NUMB: variants seen among roughly 807,000 people sequenced by gnomAD.
The protein encoded by NUMB is protein numb homolog.
In NUMB, 29 loss-of-function variants were observed where a neutral mutation model predicts 59.7. The observed-to-expected ratio is 0.49, with a 90% CI of 0.36 to 0.66. NUMB has a LOEUF of 0.66. Ranked by LOEUF, NUMB falls within the 30% of genes least tolerant of loss-of-function variation. The pLI is 0.00. For missense variants in NUMB, 723 were observed against 822.0 expected, an observed-to-expected ratio of 0.88 and a Z score of 1.47; for synonymous variants, 288 against 288.2, an observed-to-expected ratio of 1.00 and a Z score of 0.01.
At chr14:73,291,309 G>C (rs2139828020) in intron 8 of NUMB, among the ~76,000 whole-genome samples, 1 of 152,196 alleles carries the variant, frequency 6.6e-6, no homozygotes, top group South Asian at 2.1e-4. Flanking sequence ...TCCAACTCCT[G>C]ACCTCAAGTG....
chr14:73,289,539 C>A (rs1889247510), intron 8 of NUMB, among the ~76,000 whole-genome samples: 1 of 151,500 alleles, frequency 6.6e-6, no homozygotes, highest in South Asian at 2.1e-4. Flanking sequence ...GCTGCTCCTA[C>A]ACACGGCTCT....
chr14:73,440,528 T>C (rs1370791383), intron 1 of NUMB, among the ~76,000 whole-genome samples: 2 of 151,832 alleles, frequency 1.3e-5, no homozygotes, highest in African/African-American at 2.4e-5. Flanking sequence ...TTCTTAGATA[T>C]TGTATCAAAA....
chr14:73,382,292 G>A lies in NUMB; in HGVS notation c.-100-15311C>T, dbSNP rs765352867. On this transcript the variant is annotated intron_variant, in intron 2 of 12. Coordinates refer to ENST00000555238, the MANE Select transcript of NUMB (RefSeq NM_001005743.2). ...CTCCTGAGCAGCTGGGATTACAGGC[G>A]CATGCCATCATGCCTGGCTAATTTT... is the stretch of plus-strand genomic sequence containing the variant. 9.3e-4 allele frequency among the ~76,000 whole-genome samples: 141 copies of A among 152,138 alleles called. 1 individual carries two copies. The highest frequency in any genetic ancestry group is 3.2e-3 in the Admixed American group (49 of 15,270).
At chr14:73,350,525 A>T (rs970405079) in intron 4 of NUMB, among the ~76,000 whole-genome samples, 1 of 151,084 alleles carries the variant, frequency 6.6e-6, no homozygotes, top group African/African-American at 2.4e-5. Context: ...GTTCATCTCC[A>T]ATTTCTATTA....
chr14:73,287,084 A>C, intron 9 of NUMB, 26 bp downstream of exon 9: 5 of 1,605,448 alleles, frequency 3.1e-6, no homozygotes, highest in Non-Finnish European at 4.3e-6. Flanking sequence ...GCATTCCATA[A>C]ATACACACTG....
At chr14:73,325,420 C>T (rs1282347091) in intron 4 of NUMB, among the ~76,000 whole-genome samples, 1 of 152,162 alleles carries the variant, frequency 6.6e-6, no homozygotes, top group Non-Finnish European at 1.5e-5. Flanking sequence ...CACCACAGCA[C>T]ACCAGCCTGG....
chr14:73,436,720 C>T (rs1234365003), intron 1 of NUMB, among the ~76,000 whole-genome samples: 4 of 151,960 alleles, frequency 2.6e-5, no homozygotes, highest in Non-Finnish European at 4.4e-5. Flanking sequence ...GTGGCTCACA[C>T]CTGTAATCCC....
intron 4 of NUMB, among the ~76,000 whole-genome samples, chr14:73,348,260 G>C (rs1450964914): frequency 1.3e-5 from 2 of 152,198 alleles, no homozygotes; most frequent in African/African-American, 2.4e-5. Flanking sequence ...ATAAGTGTAT[G>C]AGTTGGGGAG....
chr14:73,408,240 G>A (rs1390553128), intron 2 of NUMB, among the ~76,000 whole-genome samples: 1 of 55,346 alleles, frequency 1.8e-5, no homozygotes, highest in African/African-American at 1.5e-4. Flanking sequence ...AAAAAAAAAG[G>A]AAAGAAAAAA....
At chr14:73,380,401 G>GT (rs1895173231) in intron 2 of NUMB, among the ~76,000 whole-genome samples, 1 of 152,114 alleles carries the variant, frequency 6.6e-6, no homozygotes, top group Non-Finnish European at 1.5e-5. Context: ...CAAATCAAAA[G>GT]TTTGTTAGCC....
intron 4 of NUMB, among the ~76,000 whole-genome samples, chr14:73,339,255 A>G (rs1338731156): frequency 6.6e-6 from 1 of 152,196 alleles, no homozygotes; most frequent in South Asian, 2.1e-4. Flanking sequence ...TGTAGTGAAA[A>G]TGTAGGTGAT....
chr14:73,418,695 C>T (rs1156792479), intron 1 of NUMB, among the ~76,000 whole-genome samples: 3 of 151,848 alleles, frequency 2.0e-5, no homozygotes, highest in Non-Finnish European at 4.4e-5. Flanking sequence ...CGCTTGAACC[C>T]GGGAGGCGGA....
intron 1 of NUMB, among the ~76,000 whole-genome samples, chr14:73,434,329 A>G (rs947973916): frequency 1.3e-5 from 2 of 152,198 alleles, no homozygotes; most frequent in Admixed American, 1.3e-4. Flanking sequence ...CATAAAGATT[A>G]TAATAGTAGC....
At chr14:73,421,533 T>C (rs75967823) in intron 1 of NUMB, among the ~76,000 whole-genome samples, 3,767 of 152,148 alleles carry the variant, frequency 0.025, 151 homozygotes, top group African/African-American at 0.086. Context: ...GGTATAATCA[T>C]CCTAAAATTC....
At chr14:73,393,576 TG>T (rs1468179127) in intron 2 of NUMB, among the ~76,000 whole-genome samples, 12 of 152,194 alleles carry the variant, frequency 7.9e-5, no homozygotes, top group Non-Finnish European at 1.8e-4. Flanking sequence ...CACTGAAGGC[TG>T]GAAGGCTGGA....
rs138071236 is a variant in NUMB, at chr14:73,335,844, T to G, written c.127-12640A>C. On this transcript the variant is annotated intron_variant, in intron 4 of 12. Coordinates refer to ENST00000555238, the MANE Select transcript of NUMB (RefSeq NM_001005743.2). ...TACAGCATCTTAACACATACATACATAGCCTATGCTATATAGCAAACATAG... is the reference window on the plus strand; with the variant it reads ...TACAGCATCTTAACACATACATACAGAGCCTATGCTATATAGCAAACATAG... Among the ~76,000 whole-genome samples, 298 of 152,318 alleles carry G rather than the reference T, an allele frequency of 2.0e-3. 1 individual carries two copies. The highest frequency in any genetic ancestry group is 7.0e-3 in the African/African-American group (291 of 41,568).
rs183129897 is a variant in NUMB at position 73,442,582 on chromosome 14, T to C, written c.-233+15911A>G. On this transcript the variant is annotated intron_variant, in intron 1 of 12. Coordinates refer to ENST00000555238, the MANE Select transcript of NUMB (RefSeq NM_001005743.2). Reference sequence around the variant, plus strand: ...TGGAATACTACTCAACAATAAAAGGTAATGAAATATTGATACACAAATAAC... The same window carrying C: ...TGGAATACTACTCAACAATAAAAGGCAATGAAATATTGATACACAAATAAC... Among the ~76,000 whole-genome samples the C allele has an allele frequency of 1.3e-4, 20 of 152,254 alleles. No individual in the cohort carries two copies. The East Asian group carries it at 1.5e-3, about 12-fold the overall frequency.
chr14:73,333,753 T>C (rs1461358159), intron 4 of NUMB, among the ~76,000 whole-genome samples: 1 of 152,212 alleles, frequency 6.6e-6, no homozygotes, highest in African/African-American at 2.4e-5. Context: ...TGTATCTATT[T>C]TTTCTTTTGT....
chr14:73,307,646 TA>T (rs1011378805), intron 6 of NUMB, among the ~76,000 whole-genome samples: 1 of 150,832 alleles, frequency 6.6e-6, no homozygotes, highest in Non-Finnish European at 1.5e-5. Context: ...CTACAAGGCC[TA>T]AAAGACTGGC....
Sources: gnomAD v4.1 joint callset for allele counts (sites outside exome capture counted in the v4.1 genomes callset) on GRCh38, gnomAD v4.1.1 for gene constraint, MANE v1.5 for transcripts, NCBI Gene and HGNC (gene_info 2026-07-23, HGNC 2026-07-21) for gene names.